The following DEUP1 variants were observed in gnomAD, a reference collection of about 807,000 sequenced individuals.
DEUP1 encodes deuterosome assembly protein 1.
In DEUP1, 82 loss-of-function variants were observed where a neutral mutation model predicts 87.4. The ratio of observed to expected loss-of-function variants is 0.94; its 90% CI spans 0.78 to 1.13. The LOEUF (loss-of-function observed/expected upper bound fraction) is 1.13, where lower values mean the gene tolerates loss of function less well. DEUP1 is among the 50% of genes most tolerant of loss of function. The pLI is 0.00. For missense variants in DEUP1, 663 were observed against 681.5 expected, an observed-to-expected ratio of 0.97 and a Z score of 0.30; for synonymous variants, 214 against 222.7, an observed-to-expected ratio of 0.96 and a Z score of 0.35.
intron 11 of DEUP1, among the ~76,000 whole-genome samples, chr11:93,402,853 A>G (rs1313976560): frequency 6.6e-6 from 1 of 151,898 alleles, no homozygotes; most frequent in Non-Finnish European, 1.5e-5. Flanking sequence ...ATTGGTGGTT[A>G]CCAGAGGCTA....
At chr11:93,413,240 GA>G (rs1454815887) in intron 12 of DEUP1, among the ~76,000 whole-genome samples, 3 of 115,492 alleles carry the variant, frequency 2.6e-5, no homozygotes, top group Admixed American at 1.2e-4. Context: ...GGTCTTTGAT[GA>G]TTTTTTTTTT....
Position 93,356,932 on chromosome 11 carries a change from T to C in DEUP1, c.202-16T>C. 1 of 1,545,156 alleles carries C rather than the reference T, an allele frequency of 6.5e-7. No homozygotes were observed. Among genetic ancestry groups the C allele is most frequent in the Non-Finnish European group, 8.8e-7 (1 of 1,138,094 alleles). ...AAATTTAGAAAAAGCAAAATTAAAT[T>C]TTATTCTTCATGCAGGTAGGGTTAC... On this transcript the variant is annotated splice_polypyrimidine_tract_variant and intron_variant, in intron 3 of 13. Transcript: ENST00000298050.
intron 4 of DEUP1, 43 bp downstream of exon 4, chr11:93,357,086 A>AT (rs767887450): frequency 4.6e-4 from 550 of 1,183,592 alleles, no homozygotes; most frequent in Non-Finnish European, 5.4e-4. Context: ...ATTTTGATAT[A>AT]TTTTTTTTTA....
At chr11:93,431,095 CAAAAAAAA>C (rs10534401) in intron 13 of DEUP1, among the ~76,000 whole-genome samples, 2 of 112,630 alleles carry the variant, frequency 1.8e-5, no homozygotes, top group Non-Finnish European at 1.8e-5. Context: ...AACACTGTCT[CAAAAAAAA>C]AAAAAAAAAA....
intron 13 of DEUP1, among the ~76,000 whole-genome samples, chr11:93,428,335 T>C (rs1947995643): frequency 6.6e-6 from 1 of 151,736 alleles, no homozygotes; most frequent in Non-Finnish European, 1.5e-5. Flanking sequence ...CTCAGCAAAC[T>C]ATCTCAAGAA....
intron 11 of DEUP1, among the ~76,000 whole-genome samples, chr11:93,399,323 C>G (rs1273133366): frequency 2.0e-5 from 3 of 151,676 alleles, no homozygotes. Context: ...ACATTAAGCT[C>G]AGTTTATTTA....
chr11:93,377,972 G>T (rs938973802), intron 7 of DEUP1, among the ~76,000 whole-genome samples: 12 of 149,226 alleles, frequency 8.0e-5, no homozygotes, highest in African/African-American at 2.7e-4. Flanking sequence ...TGAGAAATCT[G>T]CTGTTAATCT....
At chr11:93,346,107 T>A (rs1334172552) in intron 2 of DEUP1, among the ~76,000 whole-genome samples, 1 of 152,230 alleles carries the variant, frequency 6.6e-6, no homozygotes, top group Non-Finnish European at 1.5e-5. Context: ...ATTTATTGAA[T>A]AAGGAGTTTT....
At chr11:93,409,382 A>G (rs1307442804) in intron 12 of DEUP1, among the ~76,000 whole-genome samples, 2 of 152,234 alleles carry the variant, frequency 1.3e-5, no homozygotes, top group Non-Finnish European at 2.9e-5. Context: ...TTAATAAAAG[A>G]TTTATGGAGT....
At chr11:93,407,282 G>C (rs1015883120) in intron 11 of DEUP1, among the ~76,000 whole-genome samples, 1 of 151,960 alleles carries the variant, frequency 6.6e-6, no homozygotes, top group Non-Finnish European at 1.5e-5. Context: ...TCTATGTTTA[G>C]GTATGTTCAG....
In DEUP1 at chr11:93,369,308, G is replaced by A. The variant is rs1183271429; in HGVS notation, c.433-765G>A. 2.6e-5 allele frequency among the ~76,000 whole-genome samples: 4 copies of A among 151,816 alleles called. No individual in the cohort carries two copies. In the East Asian group the frequency reaches 7.7e-4, roughly 29 times the overall value. On this transcript the variant is annotated intron_variant, in intron 5 of 13. Transcript: ENST00000298050. ...GCTTGACATATGTATTTGTTGTGGG[G>A]GACACAAACATTCAGTCCTTAATAG...
intron 7 of DEUP1, among the ~76,000 whole-genome samples, chr11:93,374,863 T>G (rs191345600): frequency 4.6e-5 from 7 of 152,216 alleles, no homozygotes; most frequent in Non-Finnish European, 1.0e-4. Context: ...AAGATTGATT[T>G]TGGGAGTATG....
intron 8 of DEUP1, among the ~76,000 whole-genome samples, chr11:93,388,076 T>G (rs1002642273): frequency 1.2e-4 from 19 of 152,150 alleles, no homozygotes; most frequent in African/African-American, 4.3e-4. Context: ...CAATCTAGTC[T>G]AGATACATGT....
At chr11:93,331,040 T>C (rs923640968) in intron 1 of DEUP1, among the ~76,000 whole-genome samples, 17 of 152,248 alleles carry the variant, frequency 1.1e-4, no homozygotes, top group Non-Finnish European at 2.1e-4. Context: ...GCAAGCCACT[T>C]AACTTGTCTG....
chr11:93,399,565 T>TA (rs999312532), intron 11 of DEUP1, among the ~76,000 whole-genome samples: 4 of 151,642 alleles, frequency 2.6e-5, no homozygotes, highest in African/African-American at 9.7e-5. Flanking sequence ...GCTGTTAAAA[T>TA]AAAAAAATAA....
At chr11:93,359,446 G>A (rs1032135208) in intron 4 of DEUP1, among the ~76,000 whole-genome samples, 9 of 152,024 alleles carry the variant, frequency 5.9e-5, no homozygotes, top group Admixed American at 2.6e-4. Context: ...CCTATCCTCC[G>A]ATTAAATTGG....
At chr11:93,428,242 A>C (rs1947991873) in intron 13 of DEUP1, among the ~76,000 whole-genome samples, 1 of 152,172 alleles carries the variant, frequency 6.6e-6, no homozygotes, top group African/African-American at 2.4e-5. Flanking sequence ...TGGCACATGT[A>C]CACCATGGAA....
intron 8 of DEUP1, among the ~76,000 whole-genome samples, chr11:93,387,776 G>A (rs182368398): frequency 7.0e-4 from 106 of 152,112 alleles, no homozygotes; most frequent in Non-Finnish European, 1.1e-3. Flanking sequence ...ACTTAAGACT[G>A]ATCCTGAAAT....
At chr11:93,357,762 A>T (rs1409577018) in intron 4 of DEUP1, among the ~76,000 whole-genome samples, 2 of 152,172 alleles carry the variant, frequency 1.3e-5, no homozygotes, top group Non-Finnish European at 2.9e-5. Flanking sequence ...ACATATGATA[A>T]TTTAATTAAA....
Sources: gnomAD v4.1 joint callset for allele counts (sites outside exome capture counted in the v4.1 genomes callset) on GRCh38, gnomAD v4.1.1 for gene constraint, MANE v1.5 for transcripts, NCBI Gene and HGNC (gene_info 2026-07-23, HGNC 2026-07-21) for gene names.